Variants in SAXO2 observed in about 807,000 individuals in gnomAD.
SAXO2 encodes the protein family with sequence similarity 154, member B.
SAXO2 carries 17 observed loss-of-function variants against 18.7 expected under a neutral mutation model. That is an observed-to-expected ratio of 0.91 (90% CI 0.62 to 1.36). SAXO2 has a LOEUF of 1.36. SAXO2 is among the 40% of genes most tolerant of loss of function. SAXO2 has a pLI of 0.00. For missense variants in SAXO2, 486 were observed against 562.6 expected, an observed-to-expected ratio of 0.86 and a Z score of 1.38; for synonymous variants, 163 against 181.2, an observed-to-expected ratio of 0.90 and a Z score of 0.81.
intron 2 of SAXO2, among the ~76,000 whole-genome samples, chr15:82,268,016 G>A (rs529636591): frequency 1.3e-5 from 2 of 152,328 alleles, no homozygotes; most frequent in African/African-American, 4.8e-5. Flanking sequence ...TTGCTTTACT[G>A]TTGTTTATAG....
intron 2 of SAXO2, among the ~76,000 whole-genome samples, chr15:82,269,233 T>TA (rs1248814819): frequency 6.6e-6 from 1 of 152,158 alleles, no homozygotes; most frequent in Non-Finnish European, 1.5e-5. Context: ...GCAACAGTGA[T>TA]AAAATCTATG....
At chr15:82,270,483 C>A (rs990922007) in intron 2 of SAXO2, among the ~76,000 whole-genome samples, 2 of 152,164 alleles carry the variant, frequency 1.3e-5, no homozygotes, top group Non-Finnish European at 2.9e-5. Context: ...TGCTGGAAAC[C>A]AGACTGAAAT....
intron 2 of SAXO2, among the ~76,000 whole-genome samples, chr15:82,266,929 ATTTGGAC>A (rs1473173972): frequency 6.6e-6 from 1 of 152,198 alleles, no homozygotes; most frequent in African/African-American, 2.4e-5. Context: ...TATACTTTTC[ATTTGGAC>A]TTACCTTTTT....
At chr15:82,278,557 C>T (rs2075335704) in intron 3 of SAXO2, among the ~76,000 whole-genome samples, 1 of 152,148 alleles carries the variant, frequency 6.6e-6, no homozygotes, top group Non-Finnish European at 1.5e-5. Flanking sequence ...ACAATGTTGT[C>T]CAAATTGACA....
rs555416753 is a variant in SAXO2 at position 82,263,120 on chromosome 15, G to A, written c.53+188G>A. On this transcript the variant is annotated intron_variant, in intron 1 of 3. Transcript: ENST00000682753. ...CTCCTCACCCGCCTGCTACCCGGGG[G>A]TAAAACGTTTGTTCGTAGCCCCTGA... The A allele has an allele frequency of 6.3e-5, 93 of 1,477,984 alleles. No individual in the cohort carries two copies. In the Middle Eastern group the frequency reaches 7.3e-4, roughly 12 times the overall value. 91.6% of individuals were successfully genotyped at this position (1,477,984 alleles called of 1,614,324 possible).
intron 2 of SAXO2, among the ~76,000 whole-genome samples, chr15:82,269,063 C>T (rs1393592247): frequency 6.6e-6 from 1 of 152,124 alleles, no homozygotes; most frequent in Admixed American, 6.5e-5. Context: ...ACTCTTCATC[C>T]ATTAAATAAA....
In SAXO2 at chr15:82,265,526, A is replaced by G. The variant is rs560524754; in HGVS notation, c.54-43A>G. 156 of 1,287,488 alleles carry G rather than the reference A, an allele frequency of 1.2e-4. No individual in the cohort carries two copies. The East Asian group carries it at 4.1e-3, about 34-fold the overall frequency. The allele number at this position is 1,287,488 out of a possible 1,614,324, so 79.8% of individuals were successfully genotyped here. On this transcript the variant is annotated intron_variant, in intron 1 of 3. Coordinates refer to ENST00000682753, the MANE Select transcript of SAXO2 (RefSeq NM_001348699.2). ...TCTGATTAAAACGCAGTTATAACAC[A>G]AAATTTTTTTAAGGTTAATCTTTCA...
At chr15:82,264,589 T>G (rs916265703) in intron 1 of SAXO2, 1 of 693,530 alleles carries the variant, frequency 1.4e-6, no homozygotes, top group African/African-American at 1.8e-5. Flanking sequence ...AAAAAGGAAT[T>G]TATTAAGGAG....
At position 82,282,316 on chromosome 15, in the gene SAXO2, C is replaced by A. The variant is rs774760876; in HGVS notation, c.631C>A (p.His211Asn). 8.9e-5 allele frequency: 144 copies of A among 1,614,060 alleles called. 1 individual carries two copies. Among genetic ancestry groups the A allele is most frequent in the East Asian group, 3.6e-4 (16 of 44,898 alleles). The change falls in exon 4 of 4, where the codon CAT (histidine) becomes AAT (asparagine). Residue 211 changes from histidine to asparagine, a missense_variant. By Grantham distance (68) the His-to-Asn change is moderately conservative (BLOSUM62 1). Coordinates refer to ENST00000682753, the MANE Select transcript of SAXO2 (RefSeq NM_001348699.2). The stretch of plus-strand genomic sequence containing the variant: ...AGCCCCTTTTAATGGTATTACAAGT[C>A]ATCGCCTTGATTATATACCTCATCA... ...STAPFNGITS[H>N]RLDYIPHQLE... is the part of the protein sequence containing the mutation.
At chr15:82,271,059 A>G (rs1025411773) in intron 2 of SAXO2, among the ~76,000 whole-genome samples, 4 of 152,250 alleles carry the variant, frequency 2.6e-5, no homozygotes, top group Non-Finnish European at 5.9e-5. Flanking sequence ...TCCAAAGATT[A>G]GGAACACTCA....
At chr15:82,267,470 C>T (rs149546743) in intron 2 of SAXO2, among the ~76,000 whole-genome samples, 1 of 152,104 alleles carries the variant, frequency 6.6e-6, no homozygotes, top group Non-Finnish European at 1.5e-5. Context: ...TTCACTTTTC[C>T]CCTTAGCTTA....
rs765480310 is a variant in SAXO2, at chr15:82,262,848, G to C, written c.-32G>C. The C allele has an allele frequency of 8.9e-6, 14 of 1,564,630 alleles. No homozygotes were observed. Among genetic ancestry groups the C allele is most frequent in the Non-Finnish European group, 1.2e-5 (14 of 1,155,098 alleles). On this transcript the variant is annotated 5_prime_UTR_variant, in exon 1 of 4. Transcript: ENST00000682753. ...CGGCGGGCGCTGTGGGAGTGGAGAA[G>C]CTGCAAGTGCTGAGGCGCGGTGGAG...
At chr15:82,265,833 A>G in intron 2 of SAXO2, 85 bp downstream of exon 2, 1 of 1,070,120 alleles carries the variant, frequency 9.3e-7, no homozygotes. Flanking sequence ...TTTAAATTGA[A>G]CTGTTCAGTT....
At chr15:82,263,033 C>G in intron 1 of SAXO2, 101 bp downstream of exon 1, 1 of 1,539,318 alleles carries the variant, frequency 6.5e-7, no homozygotes, top group African/African-American at 1.4e-5. Context: ...GTGGCCGTCC[C>G]CCGGAGATGA....
chr15:82,263,374 G>A (rs1279845459), intron 1 of SAXO2: 1 of 759,754 alleles, frequency 1.3e-6, no homozygotes, highest in Non-Finnish European at 2.3e-6. Context: ...TGTCCTCCCA[G>A]CCAGACCATA....
rs139741950 is a variant in SAXO2 at position 82,279,794 on chromosome 15, C to T, written c.434-2325C>T. Among the ~76,000 whole-genome samples, 785 of 152,266 alleles carry T rather than the reference C, an allele frequency of 5.2e-3. 2 individuals are homozygous for T. The highest frequency in any genetic ancestry group is 8.3e-3 in the Non-Finnish European group (563 of 68,022). On this transcript the variant is annotated intron_variant, in intron 3 of 3. Transcript: ENST00000682753. ...GCATAAGCAACTCAAGACTTTTGTC[C>T]TCAAAGAAGAACCTAGAACAGCTCA...
In SAXO2 at chr15:82,268,925, C is replaced by G. The variant is rs79836764; in HGVS notation, c.234-2678C>G. Reference sequence around the variant, plus strand: ...AGAAACTGGGACTTCTGAGCTTACTCTTTGCTTTTCCCTTCCTGATTCTCT... The same window carrying G: ...AGAAACTGGGACTTCTGAGCTTACTGTTTGCTTTTCCCTTCCTGATTCTCT... On this transcript the variant is annotated intron_variant, in intron 2 of 3. Coordinates refer to ENST00000682753, the MANE Select transcript of SAXO2 (RefSeq NM_001348699.2). 8.0e-3 allele frequency among the ~76,000 whole-genome samples: 1,220 copies of G among 152,322 alleles called. 17 individuals carry two copies. The highest frequency in any genetic ancestry group is 0.027 in the African/African-American group (1,115 of 41,552).
chr15:82,279,623 A>T (rs888207289), intron 3 of SAXO2, among the ~76,000 whole-genome samples: 2 of 152,200 alleles, frequency 1.3e-5, no homozygotes, highest in African/African-American at 4.8e-5. Context: ...AGGTAGTATT[A>T]AAACCATGGG....
At position 82,282,476 on chromosome 15, in the gene SAXO2, C is replaced by T; in HGVS notation, c.791C>T (p.Thr264Ile). 6.2e-7 allele frequency: 1 copy of T among 1,614,162 alleles called. No individual in the cohort carries two copies. Among genetic ancestry groups the T allele is most frequent in the Non-Finnish European group, 8.5e-7 (1 of 1,180,026 alleles). ...GCAAAACTCTGCAGACCTGTACACA[C>T]CAGAGTGACCCAGAATGCTCTGTTT... ...ETAKLCRPVH[T>I]RVTQNALFEG... The change falls in exon 4 of 4, where the codon ACC becomes ATC. Residue 264 changes from threonine to isoleucine, a missense_variant. Coordinates refer to ENST00000682753, the MANE Select transcript of SAXO2 (RefSeq NM_001348699.2).
Sources: gnomAD v4.1 joint callset for allele counts (sites outside exome capture counted in the v4.1 genomes callset) on GRCh38, gnomAD v4.1.1 for gene constraint, MANE v1.5 for transcripts, NCBI Gene and HGNC (gene_info 2026-07-23, HGNC 2026-07-21) for gene names.